Variants in DENND2B observed in about 807,000 individuals in gnomAD.
The protein encoded by DENND2B is DENN domain containing 2B, also known as DENN domain-containing protein 2B.
DENND2B carries 32 observed loss-of-function variants against 116.0 expected under a neutral mutation model. The ratio of observed to expected loss-of-function variants is 0.28; its 90% CI spans 0.21 to 0.37. The LOEUF (loss-of-function observed/expected upper bound fraction) is 0.37. DENND2B is among the 10% of genes least tolerant of loss of function. DENND2B has a pLI of 1.00. For synonymous variants in DENND2B, 588 were observed against 583.9 expected (o/e 1.01, Z -0.10); for missense variants, 1,276 against 1,477.7 (o/e 0.86, Z 2.24).
chr11:8,743,969 G>C (rs2050741798), intron 2 of DENND2B, among the ~76,000 whole-genome samples: 1 of 151,440 alleles, frequency 6.6e-6, no homozygotes, highest in Admixed American at 6.6e-5. Context: ...GGCTGGTATC[G>C]AACTCCTGAG....
intron 3 of DENND2B, chr11:8,845,325 G>A (rs141517559): frequency 4.6e-5 from 7 of 152,284 alleles, no homozygotes; most frequent in African/African-American, 1.7e-4. Flanking sequence ...AGCAGGGTCA[G>A]GCCCCGTTAG....
intron 1 of DENND2B, among the ~76,000 whole-genome samples, chr11:8,895,740 T>C (rs1024134818): frequency 3.3e-5 from 5 of 152,192 alleles, no homozygotes; most frequent in African/African-American, 1.2e-4. Flanking sequence ...TAGAAAACTA[T>C]ATTTTATTTT....
chr11:8,797,552 C>T, intron 1 of DENND2B, among the ~76,000 whole-genome samples: 1 of 146,728 alleles, frequency 6.8e-6, no homozygotes, highest in East Asian at 2.1e-4. Context: ...TTCCTCTTCT[C>T]TTCTCTTCTC....
intron 2 of DENND2B, among the ~76,000 whole-genome samples, chr11:8,862,925 T>C (rs2653615): frequency 0.94 from 142,331 of 152,168 alleles, 67,280 homozygotes; most frequent in East Asian, 1. Context: ...CCCAAATTGG[T>C]TTTCTTGAAC....
At chr11:8,868,271 G>A (rs2653566) in intron 2 of DENND2B, among the ~76,000 whole-genome samples, 31,371 of 152,172 alleles carry the variant, frequency 0.21, 3,758 homozygotes, top group Middle Eastern at 0.35. Flanking sequence ...TCCTCATTAG[G>A]AATTATGACT....
At chr11:8,808,247 C>A (rs569354924) in intron 1 of DENND2B, 19 of 152,414 alleles carry the variant, frequency 1.2e-4, no homozygotes, top group African/African-American at 4.6e-4. Flanking sequence ...CCTTTGCCCA[C>A]TGCAGAGTGT....
intron 1 of DENND2B, among the ~76,000 whole-genome samples, chr11:8,801,956 C>T (rs1393065663): frequency 7.2e-6 from 1 of 138,980 alleles, no homozygotes; most frequent in Non-Finnish European, 1.5e-5. Context: ...CGCACCACTG[C>T]ACTCTAGCCT....
chr11:8,792,601 G>A (rs548578590), intron 1 of DENND2B, among the ~76,000 whole-genome samples: 1 of 152,220 alleles, frequency 6.6e-6, no homozygotes, highest in African/African-American at 2.4e-5. Flanking sequence ...AGTGACCAAA[G>A]AGAAAAATTA....
rs547653771 is a variant in DENND2B, at chr11:8,836,996, G to A, written c.-115+2314C>T. On this transcript the variant is annotated intron_variant, in intron 4 of 6. Transcript: ENST00000524757. Reference sequence around the variant, plus strand: ...CTCCCGAAGTGCTGGGATTACAGGCGTGGGCCACCATGCCCGGCCCTCAGT... The same window carrying A: ...CTCCCGAAGTGCTGGGATTACAGGCATGGGCCACCATGCCCGGCCCTCAGT... Among the ~76,000 whole-genome samples, 11 of 152,334 alleles carry A rather than the reference G, an allele frequency of 7.2e-5. No individual in the cohort carries two copies. In the East Asian group the frequency reaches 7.7e-4, roughly 11 times the overall value.
rs922974579 is a variant in DENND2B at position 8,718,657 on chromosome 11, G to C, written c.1478-765C>G. The C allele has an allele frequency of 3.2e-6, 4 of 1,262,066 alleles. No individual in the cohort carries two copies. In the South Asian group the frequency reaches 8.0e-5, roughly 25 times the overall value. The allele number at this position is 1,262,066 out of a possible 1,614,324, so 78.2% of individuals were successfully genotyped here. ...GCTGTGACACAGGGGAGGTGTGAAA[G>C]GCTTGGAAGGAGTCTGGGCCAAAGG... On this transcript the variant is annotated intron_variant, in intron 4 of 19. Transcript: ENST00000313726.
chr11:8,707,739 C>T lies in DENND2B; in HGVS notation c.2430+38G>A, dbSNP rs2042863389. The T allele has an allele frequency of 6.3e-7, 1 of 1,576,674 alleles. No homozygotes were observed. Among genetic ancestry groups the T allele is most frequent in the African/African-American group, 1.3e-5 (1 of 74,406 alleles). On this transcript the variant is annotated intron_variant, in intron 12 of 19. Coordinates refer to ENST00000313726, the MANE Select transcript of DENND2B (RefSeq NM_213618.2). This position sits in a 1 kb window ranked among gnomAD's most constrained non-coding sequence, Gnocchi z 4.8. ...CAGATACTCCTGTGGGAGCTGTCAG[C>T]TGGGGGACGGGGAGGGAAGCCTGCC... is the stretch of plus-strand genomic sequence containing the variant.
intron 7 of DENND2B, among the ~76,000 whole-genome samples, 166 bp downstream of exon 7, chr11:8,714,444 A>C (rs552849862): frequency 6.6e-6 from 1 of 152,340 alleles, no homozygotes; most frequent in East Asian, 1.9e-4. Context: ...CTCACAGCCC[A>C]AAGTCTGAAG....
At chr11:8,900,516 T>C (rs551700817) in intron 1 of DENND2B, among the ~76,000 whole-genome samples, 1 of 151,552 alleles carries the variant, frequency 6.6e-6, no homozygotes, top group East Asian at 1.9e-4. Flanking sequence ...GGGGGATCAC[T>C]TGAGCCTAGG....
chr11:8,801,002 C>T (rs2060261643), intron 1 of DENND2B, among the ~76,000 whole-genome samples: 1 of 151,202 alleles, frequency 6.6e-6, no homozygotes, highest in South Asian at 2.1e-4. Context: ...ATGCCTCTTA[C>T]TGCCTTAGCC....
intron 2 of DENND2B, among the ~76,000 whole-genome samples, chr11:8,876,456 G>C (rs2063842196): frequency 6.6e-6 from 1 of 152,104 alleles, no homozygotes; most frequent in Non-Finnish European, 1.5e-5. Context: ...TAAGTGTACA[G>C]AAGACAGGAT....
At chr11:8,820,762 C>G (rs1215543955) in intron 4 of DENND2B, among the ~76,000 whole-genome samples, 1 of 152,074 alleles carries the variant, frequency 6.6e-6, no homozygotes, top group Admixed American at 6.6e-5. Flanking sequence ...ATTTCCTGAC[C>G]CAATAATGGA....
At chr11:8,720,157 C>T (rs2045907008) in intron 4 of DENND2B, among the ~76,000 whole-genome samples, 1 of 152,020 alleles carries the variant, frequency 6.6e-6, no homozygotes, top group Non-Finnish European at 1.5e-5. Context: ...TGAAGTTGTC[C>T]CCCAACTGAG....
intron 1 of DENND2B, among the ~76,000 whole-genome samples, chr11:8,783,113 G>A (rs1193799920): frequency 1.4e-5 from 2 of 146,140 alleles, no homozygotes; most frequent in African/African-American, 5.1e-5. Context: ...GGAGTGCAGT[G>A]GCACAATCAC....
intron 1 of DENND2B, among the ~76,000 whole-genome samples, chr11:8,799,974 G>A (rs1454463560): frequency 1.3e-5 from 2 of 148,216 alleles, no homozygotes; most frequent in Admixed American, 1.3e-4. Flanking sequence ...TTATTTTAGA[G>A]ACAGGATCTT....
Sources: allele counts gnomAD v4.1 joint callset (sites outside exome capture counted in the v4.1 genomes callset), GRCh38; gene constraint gnomAD v4.1.1; non-coding constraint Gnocchi (gnomAD v3.1); transcripts MANE v1.5; gene names NCBI Gene and HGNC (gene_info 2026-07-23, HGNC 2026-07-21).